The following EDIL3 variants were observed in gnomAD, a reference collection of about 807,000 sequenced individuals.
EDIL3 encodes EGF-like repeat and discoidin I-like domain-containing protein 3.
In EDIL3, 37 loss-of-function variants were observed where a neutral mutation model predicts 67.4. That is an observed-to-expected ratio of 0.55 (90% CI 0.42 to 0.72). The LOEUF is 0.72. Among genes scored for constraint, EDIL3 ranks in the 30% least tolerant of loss-of-function variants. The pLI is 0.00. For synonymous variants in EDIL3, 195 were observed against 196.3 expected, an observed-to-expected ratio of 0.99 and a Z score of 0.05; for missense variants, 527 against 586.3, an observed-to-expected ratio of 0.90 and a Z score of 1.04.
chr5:84,137,411 T>C, intron 4 of EDIL3, 57 bp from the exon 5 acceptor site: 1 of 1,472,334 alleles, frequency 6.8e-7, no homozygotes, highest in East Asian at 2.3e-5. Flanking sequence ...TGATTAGATA[T>C]TGGAAAGTTT....
At chr5:84,305,035 G>A (rs925974647) in intron 1 of EDIL3, among the ~76,000 whole-genome samples, 12 of 152,152 alleles carry the variant, frequency 7.9e-5, no homozygotes, top group African/African-American at 2.9e-4. Flanking sequence ...GCAAACCACT[G>A]CATTAGAGAG....
At chr5:84,249,034 C>T (rs765358097) in intron 2 of EDIL3, among the ~76,000 whole-genome samples, 1 of 152,144 alleles carries the variant, frequency 6.6e-6, no homozygotes, top group Non-Finnish European at 1.5e-5. Flanking sequence ...CTGTACCAAA[C>T]TCTAGAGTAT....
chr5:84,268,316 T>G (rs1479462568), intron 1 of EDIL3, among the ~76,000 whole-genome samples: 1 of 152,144 alleles, frequency 6.6e-6, no homozygotes, highest in Non-Finnish European at 1.5e-5. Context: ...TGAATGATAC[T>G]TTAAGCAACA....
rs1747470235 is a variant in EDIL3 at position 84,106,717 on chromosome 5, G to A, written c.583C>T (p.Arg195Cys). 5 of 1,612,698 alleles carry A rather than the reference G, an allele frequency of 3.1e-6. No individual in the cohort carries two copies. The highest frequency in any genetic ancestry group is 1.1e-5 in the South Asian group (1 of 90,932). The change falls in exon 6 of 11, where the codon CGT becomes TGT. Residue 195 changes from arginine (R) to cysteine (C), a missense_variant. Arg to Cys is a radical substitution (Grantham distance 180). This residue lies in a region of EDIL3 where 494 missense variants were observed against 522.5 expected (regional missense o/e 0.95). Transcript: ENST00000296591. ...TTTATAAGCCCCTTCTTATTAAGAC[G>A]TGCATAGTAGGGATACCATTTTTGG... ...GLQKWYPYYA[R>C]LNKKGLINAW...
intron 4 of EDIL3, among the ~76,000 whole-genome samples, chr5:84,170,838 G>A (rs1049374201): frequency 6.6e-5 from 10 of 151,546 alleles, no homozygotes; most frequent in Admixed American, 4.0e-4. Context: ...TTTGTTGCCC[G>A]GGCTGGAGTG....
intron 9 of EDIL3, among the ~76,000 whole-genome samples, chr5:84,016,134 A>G (rs1238096176): frequency 3.3e-5 from 5 of 152,134 alleles, no homozygotes; most frequent in Non-Finnish European, 7.4e-5. Flanking sequence ...ATAAATGAGA[A>G]CATGTGGTAC....
chr5:83,948,116 G>T (rs566881382), intron 10 of EDIL3, among the ~76,000 whole-genome samples: 1 of 151,772 alleles, frequency 6.6e-6, no homozygotes, highest in Non-Finnish European at 1.5e-5. Context: ...TGCATTTTGG[G>T]TTATAGTTGA....
chr5:84,254,635 C>T (rs890394014), intron 1 of EDIL3, among the ~76,000 whole-genome samples: 1 of 152,150 alleles, frequency 6.6e-6, no homozygotes, highest in Non-Finnish European at 1.5e-5. Flanking sequence ...AGAATCTGGG[C>T]TTGTCCATGT....
At chr5:84,132,384 A>ATATATTTTAACATATATTATG (rs1747993010) in intron 5 of EDIL3, among the ~76,000 whole-genome samples, 1 of 48,432 alleles carries the variant, frequency 2.1e-5, no homozygotes, top group South Asian at 5.7e-4. Flanking sequence ...TATATATAAT[A>ATATATTTTAACATATATTATG]TATTTTATAT....
intron 9 of EDIL3, among the ~76,000 whole-genome samples, chr5:84,031,652 C>G (rs987710102): frequency 6.6e-6 from 1 of 152,142 alleles, no homozygotes; most frequent in African/African-American, 2.4e-5. Flanking sequence ...ATCTAGGAAC[C>G]ACGAAGAGTG....
intron 1 of EDIL3, among the ~76,000 whole-genome samples, chr5:84,339,604 T>TAA (rs1554043164): frequency 4.4e-4 from 66 of 151,532 alleles, no homozygotes; most frequent in Middle Eastern, 3.4e-3. Context: ...TAAAATACTG[T>TAA]GTTTTTTTTT....
intron 1 of EDIL3, among the ~76,000 whole-genome samples, chr5:84,380,861 T>C (rs1018439633): frequency 2.0e-5 from 3 of 152,054 alleles, no homozygotes; most frequent in African/African-American, 7.2e-5. Context: ...TATATCTTAT[T>C]CCTTCCCTTT....
At chr5:84,145,930 G>A (rs1748284355) in intron 4 of EDIL3, among the ~76,000 whole-genome samples, 1 of 151,944 alleles carries the variant, frequency 6.6e-6, no homozygotes, top group African/African-American at 2.4e-5. Context: ...ATATGGTCAT[G>A]CTTTACATTT....
intron 4 of EDIL3, among the ~76,000 whole-genome samples, chr5:84,173,628 C>T (rs1387870512): frequency 1.3e-5 from 2 of 152,154 alleles, no homozygotes; most frequent in Non-Finnish European, 2.9e-5. Context: ...CAGGCAGAGG[C>T]TATTATACTC....
At chr5:84,217,721 A>AAC (rs61264723) in intron 3 of EDIL3, among the ~76,000 whole-genome samples, 27,023 of 134,736 alleles carry the variant, frequency 0.2, 2,613 homozygotes, top group Middle Eastern at 0.24. Flanking sequence ...TATACACACA[A>AAC]ACACACACAC....
At chr5:84,078,441 T>C (rs1056285307) in intron 6 of EDIL3, among the ~76,000 whole-genome samples, 1 of 152,128 alleles carries the variant, frequency 6.6e-6, no homozygotes, top group Non-Finnish European at 1.5e-5. Flanking sequence ...ACCATGTATG[T>C]AAATTTAAAA....
chr5:84,224,577 C>G (rs1022669576), intron 3 of EDIL3, among the ~76,000 whole-genome samples: 5 of 151,332 alleles, frequency 3.3e-5, no homozygotes, highest in African/African-American at 9.7e-5. Flanking sequence ...TCACTGACAA[C>G]TTTGTTAAAA....
chr5:84,119,212 G>GT (rs66522256), intron 5 of EDIL3, among the ~76,000 whole-genome samples: 2,054 of 82,286 alleles, frequency 0.025, 149 homozygotes, highest in African/African-American at 0.077. Context: ...CATGCATTTG[G>GT]TTTTTTTTTT....
intron 4 of EDIL3, among the ~76,000 whole-genome samples, chr5:84,153,483 C>T (rs1470707061): frequency 9.3e-5 from 14 of 151,254 alleles, no homozygotes; most frequent in Non-Finnish European, 1.8e-4. Context: ...TTAATAGAGA[C>T]GGGGTTTCAC....
Sources: allele counts gnomAD v4.1 joint callset (sites outside exome capture counted in the v4.1 genomes callset), GRCh38; gene constraint gnomAD v4.1.1; regional missense constraint gnomAD v4.1.1; transcripts MANE v1.5; gene names NCBI Gene and HGNC (gene_info 2026-07-23, HGNC 2026-07-21).